The following NNT variants were observed in gnomAD, a reference collection of about 807,000 sequenced individuals.
The protein encoded by NNT is nicotinamide nucleotide transhydrogenase.
In NNT, 50 loss-of-function variants were observed where a neutral mutation model predicts 104.8. The ratio of observed to expected loss-of-function variants is 0.48; its 90% CI spans 0.38 to 0.60. The LOEUF is 0.60. Ranked by LOEUF, NNT falls within the 20% of genes least tolerant of loss-of-function variation. The pLI, the probability that NNT is intolerant of heterozygous loss-of-function variation, is 0.00. For missense variants in NNT, 1,131 were observed against 1,330.7 expected (o/e 0.85, Z 2.33); for synonymous variants, 461 against 490.4 (o/e 0.94, Z 0.79).
intron 6 of NNT, among the ~76,000 whole-genome samples, chr5:43,626,170 T>C (rs1391285877): frequency 6.6e-6 from 1 of 152,180 alleles, no homozygotes; most frequent in East Asian, 1.9e-4. Flanking sequence ...GAAAAAATGA[T>C]TGTGTTTGTA....
intron 7 of NNT, among the ~76,000 whole-genome samples, chr5:43,640,959 T>C (rs1355839515): frequency 6.6e-6 from 1 of 151,938 alleles, no homozygotes; most frequent in Non-Finnish European, 1.5e-5. Context: ...TGGAGAGATA[T>C]TCCCCAAGGC....
intron 17 of NNT, among the ~76,000 whole-genome samples, chr5:43,675,207 G>T (rs187034646): frequency 1.2e-3 from 180 of 152,084 alleles, no homozygotes; most frequent in Non-Finnish European, 2.2e-3. Flanking sequence ...AAATAGATGT[G>T]ATTTTTTCAT....
intron 17 of NNT, among the ~76,000 whole-genome samples, chr5:43,671,316 T>G (rs957288390): frequency 2.6e-5 from 4 of 152,206 alleles, no homozygotes; most frequent in African/African-American, 7.2e-5. Flanking sequence ...GTGAATTTGA[T>G]CCTGTTATTA....
rs368397759 is a variant in NNT at position 43,673,360 on chromosome 5, C to T, written c.2635-2151C>T. Among the ~76,000 whole-genome samples, 22 of 152,300 alleles carry T rather than the reference C, an allele frequency of 1.4e-4. No individual in the cohort carries two copies. The East Asian group carries it at 3.5e-3, about 24-fold the overall frequency. ...CTCAGTTGGAAATGCAGAAATCACC[C>T]GTCTTCTGCGTCTCTCATGCTGGTA... On this transcript the variant is annotated intron_variant, in intron 17 of 21. Coordinates refer to ENST00000344920, the MANE Select transcript of NNT (RefSeq NM_182977.3).
At chr5:43,647,570 G>C (rs1026374314) in intron 10 of NNT, among the ~76,000 whole-genome samples, 4 of 152,142 alleles carry the variant, frequency 2.6e-5, no homozygotes, top group Non-Finnish European at 5.9e-5. Flanking sequence ...TATTTGAACA[G>C]CATTCTTCAA....
In NNT at chr5:43,656,653, G is replaced by A; in HGVS notation, c.2294G>A (p.Gly765Asp). The change falls in exon 16 of 22, where the codon GGT (glycine) becomes GAT (aspartate). Residue 765 changes from glycine to aspartate, a missense_variant and splice_region_variant. Transcript: ENST00000344920. ...GSLIAYGKLQ[G>D]LLKSAPLLLP... is the part of the protein sequence containing the mutation. ...GTAACTACTATGTGCTTGGCTCTAG[G>A]TCTCCTGAAATCTGCCCCTCTCCTA... 2.5e-6 allele frequency: 4 copies of A among 1,608,078 alleles called. No individual in the cohort carries two copies. Among genetic ancestry groups the A allele is most frequent in the Non-Finnish European group, 3.4e-6 (4 of 1,178,202 alleles).
Position 43,675,655 on chromosome 5 carries a change from A to C in NNT, c.2779A>C (p.Ile927Leu), listed in dbSNP as rs748928132. 1.7e-5 allele frequency: 28 copies of C among 1,604,276 alleles called. No homozygotes were observed. The highest frequency in any genetic ancestry group is 1.1e-5 in the South Asian group (1 of 89,070). ...TGACATGATTCGAGAAGCTAATAGC[A>C]TTATTATTACACCAGGTAAAGAAAA... ...AIDMIREANS[I>L]IITPGYGLCA... is the part of the protein sequence containing the mutation. The change falls in exon 18 of 22, where the codon ATT becomes CTT. Residue 927 changes from isoleucine to leucine, a missense_variant. By Grantham distance (5) the Ile-to-Leu change is conservative. Transcript: ENST00000344920.
At chr5:43,693,386 C>G (rs936621859) in intron 19 of NNT, among the ~76,000 whole-genome samples, 3 of 152,150 alleles carry the variant, frequency 2.0e-5, no homozygotes, top group African/African-American at 7.2e-5. Flanking sequence ...ATTTAATGAG[C>G]ATGCACTTTG....
intron 19 of NNT, among the ~76,000 whole-genome samples, chr5:43,698,190 A>C (rs1554056046): frequency 6.6e-6 from 1 of 151,806 alleles, no homozygotes; most frequent in Non-Finnish European, 1.5e-5. Context: ...TTAAGACTGA[A>C]TATATTAATA....
chr5:43,678,919 C>T (rs149071766), intron 19 of NNT, among the ~76,000 whole-genome samples: 211 of 152,280 alleles, frequency 1.4e-3, no homozygotes, highest in Middle Eastern at 3.4e-3. Context: ...TGTCTCACTC[C>T]TTCTCCACTC....
intron 6 of NNT, among the ~76,000 whole-genome samples, chr5:43,625,515 T>C (rs1015551140): frequency 2.6e-5 from 4 of 152,176 alleles, no homozygotes; most frequent in African/African-American, 7.2e-5. Flanking sequence ...TGGTTTCATA[T>C]TATAAATATG....
intron 7 of NNT, among the ~76,000 whole-genome samples, chr5:43,637,827 AG>A (rs1005048932): frequency 6.6e-6 from 1 of 152,146 alleles, no homozygotes; most frequent in Non-Finnish European, 1.5e-5. Flanking sequence ...CCTTGTAGGT[AG>A]GGCAATGAGA....
At chr5:43,677,838 T>G in intron 19 of NNT, 32 bp downstream of exon 19, 1 of 1,502,106 alleles carries the variant, frequency 6.7e-7, no homozygotes, top group South Asian at 1.1e-5. Context: ...GCTTGCACTA[T>G]GTGTAAAGAT....
At chr5:43,673,799 AC>A (rs1350620284) in intron 17 of NNT, among the ~76,000 whole-genome samples, 4 of 152,146 alleles carry the variant, frequency 2.6e-5, no homozygotes, top group Non-Finnish European at 5.9e-5. Context: ...CAGGCAGATC[AC>A]TTGTGGTCAG....
Position 43,675,413 on chromosome 5 carries a change from C to A in NNT, c.2635-98C>A, listed in dbSNP as rs966965. 431 of 1,104,632 alleles carry A rather than the reference C, an allele frequency of 3.9e-4. 2 individuals are homozygous for A. In the African/African-American group the frequency reaches 6.3e-3, roughly 16 times the overall value. The allele number at this position is 1,104,632 out of a possible 1,614,324, so 68.4% of individuals were successfully genotyped here. On this transcript the variant is annotated intron_variant, in intron 17 of 21. Coordinates refer to ENST00000344920, the MANE Select transcript of NNT (RefSeq NM_182977.3). ...AAGTGTTTTAAATGATCAAATAAAC[C>A]TTTTAAAATGATTCCAAATATCATA...
At chr5:43,607,199 C>A (rs927202018) in intron 1 of NNT, among the ~76,000 whole-genome samples, 1 of 152,062 alleles carries the variant, frequency 6.6e-6, no homozygotes, top group Non-Finnish European at 1.5e-5. Context: ...GCCATCATAA[C>A]CCCTGTGATC....
chr5:43,664,182 T>G (rs1345282404), intron 17 of NNT, among the ~76,000 whole-genome samples: 1 of 152,228 alleles, frequency 6.6e-6, no homozygotes, highest in Non-Finnish European at 1.5e-5. Flanking sequence ...GTTGTCAGTG[T>G]CCAAACAACC....
Position 43,659,281 on chromosome 5 carries a change from C to G in NNT, c.2565C>G (p.Asn855Lys). 6.2e-7 allele frequency: 1 copy of G among 1,614,050 alleles called. No homozygotes were observed. The highest frequency in any genetic ancestry group is 1.1e-5 in the South Asian group (1 of 91,064). The change falls in exon 17 of 22, where the codon AAC (asparagine) becomes AAG (lysine). Residue 855 changes from asparagine to lysine, a missense_variant. Coordinates refer to ENST00000344920, the MANE Select transcript of NNT (RefSeq NM_182977.3). ...ALCAEGFLLN[N>K]NLLTIVGALI... ...GTGCAGAGGGCTTCCTGCTCAACAACAATCTGCTGACCATCGTGGGTGCAC... is the reference window on the plus strand; with the variant it reads ...GTGCAGAGGGCTTCCTGCTCAACAAGAATCTGCTGACCATCGTGGGTGCAC...
In NNT at chr5:43,628,228, C is replaced by G. The variant is rs1466447711; in HGVS notation, c.805C>G (p.Leu269Val). 1.9e-6 allele frequency: 3 copies of G among 1,613,512 alleles called. No individual in the cohort carries two copies. The highest frequency in any genetic ancestry group is 1.3e-5 in the African/African-American group (1 of 74,970). The part of the protein sequence containing the change: ...RAAALEQFKS[L>V]GAEPLEVDLK... ...TGCAGCTTTGGAACAGTTCAAGTCT[C>G]TTGGTGCTGAGCCCTTGGAGGTGGA... Residue 269 changes from leucine (L) to valine (V), a missense_variant, in exon 7 of 22, where the codon CTT (leucine) becomes GTT (valine). By Grantham distance (32) the Leu-to-Val change is conservative. Coordinates refer to ENST00000344920, the MANE Select transcript of NNT (RefSeq NM_182977.3).
Sources: allele counts gnomAD v4.1 joint callset (sites outside exome capture counted in the v4.1 genomes callset), GRCh38; gene constraint gnomAD v4.1.1; transcripts MANE v1.5; gene names NCBI Gene and HGNC (gene_info 2026-07-23, HGNC 2026-07-21).